Variants in ZNF284 observed in about 807,000 individuals in gnomAD.
ZNF284 encodes the protein zinc finger protein 284.
In ZNF284, 12 loss-of-function variants were observed where a neutral mutation model predicts 12.9. The observed-to-expected ratio is 0.93, with a 90% CI of 0.60 to 1.51. The LOEUF (loss-of-function observed/expected upper bound fraction) is 1.51, where lower values mean the gene tolerates loss of function less well. ZNF284 is among the 40% of genes most tolerant of loss of function. The pLI is 0.00. For missense variants in ZNF284, 667 were observed against 707.3 expected (o/e 0.94, Z 0.65); for synonymous variants, 225 against 236.5 (o/e 0.95, Z 0.45).
chr19:44,073,795 G>T lies in ZNF284; in HGVS notation c.-69+1504G>T, dbSNP rs1015571571. Among the ~76,000 whole-genome samples the T allele has an allele frequency of 5.3e-5, 8 of 152,160 alleles. No individual in the cohort carries two copies. In the South Asian group the frequency reaches 1.2e-3, roughly 24 times the overall value. On this transcript the variant is annotated intron_variant, in intron 1 of 4. Transcript: ENST00000421176. ...GATCTCCTGACCTCATGATCCACCA[G>T]CCTCGGCCTCCCAAAGTGCTGGGAT...
chr19:44,083,870 G>A (rs1018202910), intron 4 of ZNF284, among the ~76,000 whole-genome samples: 17 of 152,088 alleles, frequency 1.1e-4, no homozygotes, highest in African/African-American at 4.1e-4. Flanking sequence ...GAGTGTCAGC[G>A]GTGATGGTGG....
At chr19:44,079,936 A>T (rs1011091105) in intron 2 of ZNF284, among the ~76,000 whole-genome samples, 3 of 152,126 alleles carry the variant, frequency 2.0e-5, no homozygotes, top group African/African-American at 7.2e-5. Context: ...CTCAAAAAAA[A>T]GACAAAAAGG....
chr19:44,079,566 G>A (rs189102468), intron 2 of ZNF284, among the ~76,000 whole-genome samples: 104 of 151,886 alleles, frequency 6.8e-4, no homozygotes, highest in African/African-American at 2.4e-3. Flanking sequence ...AACATTAGCC[G>A]GGTGTGGTGG....
chr19:44,088,692 A>C lies in ZNF284; in HGVS notation c.*1432A>C, dbSNP rs1967301317. On this transcript the variant is annotated 3_prime_UTR_variant, in exon 5 of 5. Coordinates refer to ENST00000421176, the MANE Select transcript of ZNF284 (RefSeq NM_001037813.4). ...GTGTCTGTTCTGTAGAGAAACCTTA[A>C]TAATGTGATATATGTGACAGCAAAG... The C allele has an allele frequency of 6.6e-6, 1 of 152,262 alleles. No homozygotes were observed. The highest frequency in any genetic ancestry group is 6.5e-5 in the Admixed American group (1 of 15,286). 9.4% of individuals were successfully genotyped at this position (152,262 alleles called of 1,614,324 possible). A position where few individuals can be genotyped will look rare whatever the true frequency, so the allele number is the denominator to read the frequency against.
At chr19:44,078,529 G>A (rs1841741940) in intron 2 of ZNF284, among the ~76,000 whole-genome samples, 1 of 152,178 alleles carries the variant, frequency 6.6e-6, no homozygotes, top group Non-Finnish European at 1.5e-5. Flanking sequence ...AGTGATGTAA[G>A]TGTAGCCCAC....
rs1264271999 is a variant in ZNF284 at position 44,081,089 on chromosome 19, G to T, written c.90G>T (p.Arg30Ser). Residue 30 changes from arginine (R) to serine (S), a missense_variant, in exon 3 of 5, where the codon AGG (arginine) becomes AGT (serine). Transcript: ENST00000421176. Reference sequence around the variant, plus strand: ...TGGGGCTGCTGGACGTTTCCCAGAGGAAGCTGTATCGAGATGTCATGCTGG... The same window carrying T: ...TGGGGCTGCTGGACGTTTCCCAGAGTAAGCTGTATCGAGATGTCATGCTGG... ...EELGLLDVSQ[R>S]KLYRDVMLEN... 3 of 1,613,158 alleles carry T rather than the reference G, an allele frequency of 1.9e-6. No homozygotes were observed. Among genetic ancestry groups the T allele is most frequent in the Non-Finnish European group, 2.5e-6 (3 of 1,179,496 alleles).
rs1967271892 is a variant in ZNF284, at chr19:44,087,116, G to A, written c.1638G>A (p.Lys546=). The A allele has an allele frequency of 2.5e-6, 4 of 1,614,176 alleles. No homozygotes were observed. The highest frequency in any genetic ancestry group is 1.7e-6 in the Non-Finnish European group (2 of 1,180,018). The change falls in exon 5 of 5, where the codon AAG becomes AAA. Residue 546 remains lysine, a synonymous_variant. Transcript: ENST00000421176. ...TATTCCAATGTGAGGATTGTGGGAAGAGCAGTGAGCACAGTTCATGCCTTC... is the reference window on the plus strand; with the variant it reads ...TATTCCAATGTGAGGATTGTGGGAAAAGCAGTGAGCACAGTTCATGCCTTC... The part of the protein sequence containing the change: ...EKLFQCEDCG[K]SSEHSSCLQD...
At position 44,086,090 on chromosome 19, in the gene ZNF284, G is replaced by A; in HGVS notation, c.612G>A (p.Lys204=). The change falls in exon 5 of 5, where the codon AAG becomes AAA. Residue 204 remains lysine, a synonymous_variant. Coordinates refer to ENST00000421176, the MANE Select transcript of ZNF284 (RefSeq NM_001037813.4). ...QKVHMGEKRY[K]CDVCSKAFSQ... Reference sequence around the variant, plus strand: ...TTCACATGGGAGAGAAACGCTATAAGTGTGATGTGTGTAGTAAGGCATTTA... The same window carrying A: ...TTCACATGGGAGAGAAACGCTATAAATGTGATGTGTGTAGTAAGGCATTTA... 2 of 1,614,216 alleles carry A rather than the reference G, an allele frequency of 1.2e-6. No individual in the cohort carries two copies. The highest frequency in any genetic ancestry group is 8.5e-7 in the Non-Finnish European group (1 of 1,180,038).
chr19:44,084,997 G>A (rs551912790), intron 4 of ZNF284, among the ~76,000 whole-genome samples: 29 of 152,206 alleles, frequency 1.9e-4, no homozygotes, highest in South Asian at 1.5e-3. Context: ...AGTGCACAGC[G>A]GAAATGTAAA....
At chr19:44,084,639 C>T (rs1350264786) in intron 4 of ZNF284, among the ~76,000 whole-genome samples, 2 of 152,126 alleles carry the variant, frequency 1.3e-5, no homozygotes, top group Non-Finnish European at 2.9e-5. Context: ...TCCTTCACGG[C>T]CCATTCCCTA....
At chr19:44,076,208 C>T (rs1967023251) in intron 1 of ZNF284, 114 bp from the exon 2 acceptor site, 5 of 535,718 alleles carry the variant, frequency 9.3e-6, no homozygotes, top group Admixed American at 3.2e-5. Flanking sequence ...ATGAATAATG[C>T]CCCTGTGAAC....
intron 2 of ZNF284, among the ~76,000 whole-genome samples, chr19:44,078,831 C>G (rs1191831199): frequency 6.6e-6 from 1 of 151,948 alleles, no homozygotes; most frequent in Non-Finnish European, 1.5e-5. Flanking sequence ...TGCTGTGTTG[C>G]CCAGGCTGGA....
intron 1 of ZNF284, among the ~76,000 whole-genome samples, chr19:44,073,275 G>A (rs1186910277): frequency 2.0e-5 from 3 of 152,210 alleles, no homozygotes; most frequent in Non-Finnish European, 4.4e-5. Flanking sequence ...TTCTCATTGA[G>A]GCAGAGGAAC....
At chr19:44,077,352 GTCTTT>G (rs1250383580) in intron 2 of ZNF284, among the ~76,000 whole-genome samples, 2 of 151,958 alleles carry the variant, frequency 1.3e-5, no homozygotes, top group African/African-American at 2.4e-5. Context: ...TTATTTACTG[GTCTTT>G]TCTTATTCCT....
At chr19:44,080,780 A>G (rs748555449) in intron 2 of ZNF284, among the ~76,000 whole-genome samples, 1 of 152,232 alleles carries the variant, frequency 6.6e-6, no homozygotes, top group East Asian at 1.9e-4. Context: ...AGGAGACTTA[A>G]TAAGTGCACA....
chr19:44,080,971 A>G (rs774107623), intron 2 of ZNF284, 44 bp from the exon 3 acceptor site: 1 of 1,588,006 alleles, frequency 6.3e-7, no homozygotes, highest in South Asian at 1.1e-5. Context: ...TCTCCCAGGA[A>G]TCACTGGTCA....
Position 44,086,688 on chromosome 19 carries a change from T to C in ZNF284, c.1210T>C (p.Cys404Arg), listed in dbSNP as rs368009900. Residue 404 changes from cysteine to arginine, a missense_variant, in exon 5 of 5, where the codon TGT (cysteine) becomes CGT (arginine). By Grantham distance (180) the Cys-to-Arg change is radical. Transcript: ENST00000421176. ...NGETTFKCDG[C>R]GKRFYMNSQG... Reference sequence around the variant, plus strand: ...AGAAACAACATTCAAGTGCGACGGATGTGGGAAGAGATTTTATATGAATTC... The same window carrying C: ...AGAAACAACATTCAAGTGCGACGGACGTGGGAAGAGATTTTATATGAATTC... The C allele has an allele frequency of 9.3e-6, 15 of 1,613,904 alleles. No homozygotes were observed. The highest frequency in any genetic ancestry group is 5.0e-5 in the Admixed American group (3 of 60,004).
chr19:44,086,660 T>A lies in ZNF284; in HGVS notation c.1182T>A (p.Asn394Lys). The A allele has an allele frequency of 6.2e-7, 1 of 1,614,016 alleles. No individual in the cohort carries two copies. The highest frequency in any genetic ancestry group is 8.5e-7 in the Non-Finnish European group (1 of 1,179,968). Reference sequence around the variant, plus strand: ...TTTCAAGACATCAGCGGGTCCACAATGGAGAAACAACATTCAAGTGCGACG... The same window carrying A: ...TTTCAAGACATCAGCGGGTCCACAAAGGAGAAACAACATTCAAGTGCGACG... ...SCLSRHQRVH[N>K]GETTFKCDGC... The change falls in exon 5 of 5, where the codon AAT (asparagine) becomes AAA (lysine). Residue 394 changes from asparagine (N) to lysine (K), a missense_variant. Transcript: ENST00000421176.
intron 4 of ZNF284, 91 bp downstream of exon 4, chr19:44,082,196 T>C (rs1237537665): frequency 2.0e-5 from 20 of 983,662 alleles, no homozygotes; most frequent in Non-Finnish European, 3.0e-5. Flanking sequence ...CTGGTATAAA[T>C]GGCCAAACCT....
Sources: allele counts gnomAD v4.1 joint callset (sites outside exome capture counted in the v4.1 genomes callset), GRCh38; gene constraint gnomAD v4.1.1; transcripts MANE v1.5; gene names NCBI Gene and HGNC (gene_info 2026-07-23, HGNC 2026-07-21).